Variants in MIOS observed in about 807,000 individuals in gnomAD.
MIOS encodes the protein GATOR2 complex protein MIOS.
Under a neutral mutation model 96.9 loss-of-function variants are expected in MIOS, and 52 were observed. The ratio of observed to expected loss-of-function variants is 0.54; its 90% confidence interval spans 0.43 to 0.68. The LOEUF is 0.68. MIOS is among the 30% of genes least tolerant of loss of function. MIOS has a pLI of 0.00. For synonymous variants in MIOS, 397 were observed against 359.5 expected (o/e 1.10, Z -1.18); for missense variants, 1,005 against 1,052.8 (o/e 0.95, Z 0.63).
At chr7:7,584,203 G>A (rs1783815223) in intron 6 of MIOS, among the ~76,000 whole-genome samples, 2 of 151,880 alleles carry the variant, frequency 1.3e-5, no homozygotes, top group African/African-American at 4.8e-5. Flanking sequence ...AGTTAAAAAA[G>A]TCAATGTTTT....
intron 5 of MIOS, among the ~76,000 whole-genome samples, chr7:7,577,066 A>ATAAT (rs1371788368): frequency 6.6e-6 from 1 of 152,204 alleles, no homozygotes; most frequent in Non-Finnish European, 1.5e-5. Context: ...GGGGAGGAAT[A>ATAAT]TAATGTATGT....
chr7:7,598,871 A>G (rs1784290972), intron 11 of MIOS, among the ~76,000 whole-genome samples: 1 of 152,172 alleles, frequency 6.6e-6, no homozygotes, highest in African/African-American at 2.4e-5. Context: ...ACTCAGGTTT[A>G]TCAAATATTA....
intron 11 of MIOS, among the ~76,000 whole-genome samples, chr7:7,601,283 G>GTTT (rs540107163): frequency 2.7e-5 from 4 of 148,260 alleles, no homozygotes; most frequent in Admixed American, 2.0e-4. Context: ...CCAGGAGCTG[G>GTTT]TTTTTTTTTT....
At position 7,583,391 on chromosome 7, in the gene MIOS, A is replaced by G; in HGVS notation, c.1648+19A>G. 2 of 1,554,348 alleles carry G rather than the reference A, an allele frequency of 1.3e-6. No homozygotes were observed. Among genetic ancestry groups the G allele is most frequent in the Middle Eastern group, 1.7e-4 (1 of 5,784 alleles). ...GAAAAAGGTATTAGGTTATAAACTA[A>G]GATATTAGTTATAATCTAAGATGTT... is the stretch of plus-strand genomic sequence containing the variant. On this transcript the variant is annotated intron_variant, in intron 6 of 12. Coordinates refer to ENST00000340080, the MANE Select transcript of MIOS (RefSeq NM_019005.4).
At chr7:7,578,382 A>G (rs950434253) in intron 5 of MIOS, among the ~76,000 whole-genome samples, 2 of 152,214 alleles carry the variant, frequency 1.3e-5, no homozygotes, top group Admixed American at 6.5e-5. Context: ...AATATTTTTC[A>G]TGCTTAAAGA....
chr7:7,599,413 A>T (rs923314053), intron 11 of MIOS, among the ~76,000 whole-genome samples: 4 of 152,222 alleles, frequency 2.6e-5, no homozygotes, highest in Non-Finnish European at 4.4e-5. Flanking sequence ...TAGGACTATT[A>T]TATAAGGAAA....
At chr7:7,609,144 A>T (rs1258546080), downstream of MIOS, among the ~76,000 whole-genome samples, 2 of 152,222 alleles carry the variant, frequency 1.3e-5, no homozygotes, top group East Asian at 3.9e-4. Context: ...ATTGTATCTA[A>T]TCAAGAAATT....
chr7:7,607,253 A>T lies in MIOS; in HGVS notation c.*161A>T, dbSNP rs1008159261. 19 of 553,628 alleles carry T rather than the reference A, an allele frequency of 3.4e-5. No homozygotes were observed. Among genetic ancestry groups the T allele is most frequent in the Non-Finnish European group, 5.9e-5 (19 of 320,194 alleles). 34.3% of individuals were successfully genotyped at this position (553,628 alleles called of 1,614,324 possible). A position where few individuals can be genotyped will look rare whatever the true frequency, so the allele number is the denominator to read the frequency against. The stretch of plus-strand genomic sequence containing the variant: ...CAGTTTTGATGTTTGAGTGATTTTG[A>T]TATGCTTCACAGAGACAAATGCTGC... On this transcript the variant is annotated 3_prime_UTR_variant, in exon 13 of 13. Transcript: ENST00000340080.
rs1479654326 is a variant in MIOS, at chr7:7,593,994, G to C, written c.2044-986G>C. Among the ~76,000 whole-genome samples the C allele has an allele frequency of 2.0e-5, 3 of 151,862 alleles. No homozygotes were observed. The East Asian group carries it at 5.8e-4, about 29-fold the overall frequency. On this transcript the variant is annotated intron_variant, in intron 9 of 12. Coordinates refer to ENST00000340080, the MANE Select transcript of MIOS (RefSeq NM_019005.4). ...ATACAACTTTAGGAAAATTATTACT[G>C]GCAAGAACTTGAAGATCTTAATGAG...
chr7:7,569,237 GC>G (rs1783262048), intron 3 of MIOS, among the ~76,000 whole-genome samples: 1 of 152,114 alleles, frequency 6.6e-6, no homozygotes, highest in Non-Finnish European at 1.5e-5. Flanking sequence ...TACGTGAGGT[GC>G]CCCTCTTCCT....
At chr7:7,592,983 C>T (rs905357637) in intron 9 of MIOS, among the ~76,000 whole-genome samples, 8 of 152,176 alleles carry the variant, frequency 5.3e-5, no homozygotes, top group African/African-American at 1.9e-4. Flanking sequence ...CTGATTTGGT[C>T]AGACTCAATC....
At chr7:7,582,673 CAGTA>C in intron 5 of MIOS, 1 of 948,842 alleles carries the variant, frequency 1.1e-6, no homozygotes, top group Non-Finnish European at 1.3e-6. Context: ...GGATTTCAGA[CAGTA>C]GGGATACCTT....
intron 5 of MIOS, 83 bp downstream of exon 5, chr7:7,574,279 A>G: frequency 1.0e-6 from 1 of 976,056 alleles, no homozygotes; most frequent in Non-Finnish European, 1.5e-6. Context: ...GGCAGAAATT[A>G]TCTAGTTATT....
At chr7:7,584,972 G>C (rs1369914065) in intron 6 of MIOS, among the ~76,000 whole-genome samples, 1 of 152,064 alleles carries the variant, frequency 6.6e-6, no homozygotes, top group African/African-American at 2.4e-5. Flanking sequence ...TTTTGTCCTG[G>C]AAAAATTGTA....
intron 5 of MIOS, among the ~76,000 whole-genome samples, chr7:7,576,099 A>C (rs1783523391): frequency 6.6e-6 from 1 of 152,202 alleles, no homozygotes; most frequent in Non-Finnish European, 1.5e-5. Context: ...TAGAGCATAC[A>C]GCTAAATTTT....
At chr7:7,586,988 CTTTTT>C (rs71988879) in intron 7 of MIOS, among the ~76,000 whole-genome samples, 34 of 123,020 alleles carry the variant, frequency 2.8e-4, no homozygotes, top group South Asian at 7.9e-4. Context: ...TTTTCTTTCC[CTTTTT>C]TTTTTTTTTT....
At chr7:7,591,136 G>C (rs951906833) in intron 9 of MIOS, among the ~76,000 whole-genome samples, 20 of 152,046 alleles carry the variant, frequency 1.3e-4, no homozygotes, top group African/African-American at 4.8e-4. Flanking sequence ...ATAGGTGACA[G>C]ATTCTCTCAA....
At position 7,585,616 on chromosome 7, in the gene MIOS, T is replaced by C. The variant is rs1022829792; in HGVS notation, c.1649-20T>C. Reference sequence around the variant, plus strand: ...TAAGCTTTTGATCACTTTGATTAGCTGGCTGTTTTTAATATGCAGGAGATC... The same window carrying C: ...TAAGCTTTTGATCACTTTGATTAGCCGGCTGTTTTTAATATGCAGGAGATC... On this transcript the variant is annotated intron_variant, in intron 6 of 12. Coordinates refer to ENST00000340080, the MANE Select transcript of MIOS (RefSeq NM_019005.4). 7 of 1,561,390 alleles carry C rather than the reference T, an allele frequency of 4.5e-6. No homozygotes were observed. In the Admixed American group the frequency reaches 5.8e-5, roughly 13 times the overall value.
intron 12 of MIOS, 53 bp downstream of exon 12, chr7:7,606,124 G>C: frequency 6.3e-7 from 1 of 1,589,866 alleles, no homozygotes; most frequent in Non-Finnish European, 8.6e-7. Context: ...GGATAACACA[G>C]ATTGCTTCTA....
Sources: gnomAD v4.1 joint callset for allele counts (sites outside exome capture counted in the v4.1 genomes callset) on GRCh38, gnomAD v4.1.1 for gene constraint, MANE v1.5 for transcripts, NCBI Gene and HGNC (gene_info 2026-07-23, HGNC 2026-07-21) for gene names.